The following CCDC9 variants were observed in gnomAD, a reference collection of about 807,000 sequenced individuals.
CCDC9 encodes coiled-coil domain-containing protein 9.
Under a neutral mutation model 65.6 loss-of-function variants are expected in CCDC9, and 52 were observed. That is an observed-to-expected ratio of 0.79 (90% CI 0.63 to 1.00). The LOEUF (loss-of-function observed/expected upper bound fraction) is 1.00. Among genes scored for constraint, CCDC9 ranks in the 50% least tolerant of loss-of-function variants. The pLI is 0.00. For missense variants in CCDC9, 834 were observed against 757.2 expected, an observed-to-expected ratio of 1.10 and a Z score of -1.19; for synonymous variants, 332 against 280.3, an observed-to-expected ratio of 1.18 and a Z score of -1.84.
intron 8 of CCDC9, among the ~76,000 whole-genome samples, chr19:47,269,059 T>G (rs778006596): frequency 3.3e-5 from 5 of 152,090 alleles, no homozygotes; most frequent in Non-Finnish European, 5.9e-5. Context: ...TGAGCTGTTA[T>G]GATGCCACTG....
intron 5 of CCDC9, among the ~76,000 whole-genome samples, chr19:47,261,620 G>C (rs914726971): frequency 1.3e-5 from 2 of 148,700 alleles, no homozygotes; most frequent in Non-Finnish European, 3.0e-5. Flanking sequence ...GCTGAGGCAG[G>C]AGGATCACTT....
At chr19:47,274,887 G>A (rs2059146685), downstream of CCDC9, 1 of 1,252,652 alleles carries the variant, frequency 8.0e-7, no homozygotes, top group Non-Finnish European at 9.9e-7. Context: ...GGGCCTGTGC[G>A]GTCTGCGGCG....
At chr19:47,273,401 C>T, downstream of CCDC9, 1 of 1,231,886 alleles carries the variant, frequency 8.1e-7, no homozygotes, top group Non-Finnish European at 1.0e-6. Flanking sequence ...CACCGACTTC[C>T]AGAGGGTGCG....
intron 1 of CCDC9, among the ~76,000 whole-genome samples, chr19:47,256,956 G>C (rs1463005793): frequency 6.6e-6 from 1 of 150,696 alleles, no homozygotes; most frequent in East Asian, 2.0e-4. Flanking sequence ...TGCCTTACTG[G>C]AAGTGGGTCC....
chr19:47,275,214 G>C (rs1161241139), downstream of CCDC9: 1 of 1,526,928 alleles, frequency 6.5e-7, no homozygotes, highest in East Asian at 2.6e-5. Flanking sequence ...CCTCCTGGGA[G>C]TCCCCGGCGG....
chr19:47,273,484 C>G (rs1325990745), downstream of CCDC9: 1 of 814,430 alleles, frequency 1.2e-6, no homozygotes, highest in Non-Finnish European at 1.6e-6. Context: ...ACCGCGGCCT[C>G]CGCGCTCTGC....
At chr19:47,257,071 C>T (rs1247569202) in intron 1 of CCDC9, among the ~76,000 whole-genome samples, 2 of 117,892 alleles carry the variant, frequency 1.7e-5, no homozygotes, top group African/African-American at 3.3e-5. Context: ...AGGGTGCTGG[C>T]GGGGAATGCT....
chr19:47,262,298 C>T lies in CCDC9; in HGVS notation c.462+1459C>T, dbSNP rs913625024. Among the ~76,000 whole-genome samples, 10 of 149,994 alleles carry T rather than the reference C, an allele frequency of 6.7e-5. No individual in the cohort carries two copies. In the Admixed American group the frequency reaches 6.7e-4, roughly 10 times the overall value. On this transcript the variant is annotated intron_variant, in intron 5 of 11. Coordinates refer to ENST00000221922, the MANE Select transcript of CCDC9 (RefSeq NM_015603.3). ...GTGGCATGATCTTGGCTCACTGCAA[C>T]CTCCGCCTCCTGGGTTCAAGCAATT...
intron 8 of CCDC9, 54 bp from the exon 9 acceptor site, chr19:47,270,353 C>T (rs1420042347): frequency 1.3e-5 from 21 of 1,570,846 alleles, no homozygotes; most frequent in African/African-American, 2.7e-5. Context: ...TCTTCTTGAT[C>T]CTCTTGTTAC....
At chr19:47,261,929 A>G (rs1284791752) in intron 5 of CCDC9, among the ~76,000 whole-genome samples, 1 of 148,694 alleles carries the variant, frequency 6.7e-6, no homozygotes, top group Non-Finnish European at 1.5e-5. Context: ...GCTGAGGCAG[A>G]AGAATTGCTT....
downstream of CCDC9, chr19:47,274,893 C>T (rs573923574): frequency 2.8e-4 from 349 of 1,239,274 alleles, 1 homozygote; most frequent in African/African-American, 5.0e-3. Flanking sequence ...GTGCGGTCTG[C>T]GGCGCGGAGC....
intron 3 of CCDC9, among the ~76,000 whole-genome samples, chr19:47,259,713 C>T (rs1230515647): frequency 1.3e-5 from 2 of 152,204 alleles, no homozygotes; most frequent in Admixed American, 1.3e-4. Flanking sequence ...TTGGGATACA[C>T]GTCAGTGACA....
intron 9 of CCDC9, 38 bp from the exon 10 acceptor site, chr19:47,270,515 C>T (rs1179051280): frequency 6.2e-7 from 1 of 1,614,042 alleles, no homozygotes; most frequent in Admixed American, 1.7e-5. Flanking sequence ...GTGTGTGCCA[C>T]ACCTTCCCTT....
Position 47,258,324 on chromosome 19 carries a change from C to A in CCDC9, c.-71-6C>A. 1 of 1,532,034 alleles carries A rather than the reference C, an allele frequency of 6.5e-7. No homozygotes were observed. The highest frequency in any genetic ancestry group is 9.0e-7 in the Non-Finnish European group (1 of 1,107,192). 94.9% of individuals were successfully genotyped at this position (1,532,034 alleles called of 1,614,324 possible). A position where few individuals can be genotyped will look rare whatever the true frequency, so the allele number is the denominator to read the frequency against. ...GCCTTTGTCCTTTTTTTCCCTCTGT[C>A]CCCAGGAACCCTCAGTGCTGCGTCT... On this transcript the variant is annotated splice_polypyrimidine_tract_variant and splice_region_variant and intron_variant, in intron 1 of 11. Coordinates refer to ENST00000221922, the MANE Select transcript of CCDC9 (RefSeq NM_015603.3).
intron 5 of CCDC9, 116 bp from the exon 6 acceptor site, chr19:47,264,487 A>T: frequency 1.1e-6 from 1 of 948,874 alleles, no homozygotes; most frequent in East Asian, 2.6e-5. Flanking sequence ...AAATGGTCAG[A>T]TGCCAGCAGG....
chr19:47,269,362 T>G lies in CCDC9; in HGVS notation c.903-1045T>G, dbSNP rs373835842. Among the ~76,000 whole-genome samples the G allele has an allele frequency of 3.9e-3, 588 of 152,164 alleles. 2 individuals are homozygous for G. The highest frequency in any genetic ancestry group is 0.013 in the African/African-American group (544 of 41,514). On this transcript the variant is annotated intron_variant, in intron 8 of 11. Coordinates refer to ENST00000221922, the MANE Select transcript of CCDC9 (RefSeq NM_015603.3). ...TGTGTAATAATATTATCTTTTTTTTTTTGTTTTTTTGAGACTGAGTCTTGC... is the reference window on the plus strand; with the variant it reads ...TGTGTAATAATATTATCTTTTTTTTGTTGTTTTTTTGAGACTGAGTCTTGC...
At chr19:47,271,989 A>G (rs971445985), downstream of CCDC9, 2 of 1,249,160 alleles carry the variant, frequency 1.6e-6, no homozygotes, top group Admixed American at 7.8e-5. Context: ...AACCCCCTTC[A>G]ACTCCCCCTG....
rs1472090737 is a variant in CCDC9 at position 47,271,588 on chromosome 19, G to C, written c.1506G>C (p.Trp502Cys). ...GCGGCCACCAGCCTGTGTCCGATTGGGGTGAAGAGGTGGAGCTGAATTCTC... is the reference window on the plus strand; with the variant it reads ...GCGGCCACCAGCCTGTGTCCGATTGCGGTGAAGAGGTGGAGCTGAATTCTC... ...PPSGHQPVSD[W>C]GEEVELNSPR... Residue 502 changes from tryptophan to cysteine, a missense_variant, in exon 12 of 12, where the codon TGG (tryptophan) becomes TGC (cysteine). Transcript: ENST00000221922. 1.2e-6 allele frequency: 2 copies of C among 1,613,056 alleles called. No homozygotes were observed. Among genetic ancestry groups the C allele is most frequent in the Admixed American group, 1.7e-5 (1 of 60,022 alleles).
chr19:47,275,120 A>G (rs781520669), downstream of CCDC9: 17 of 1,491,956 alleles, frequency 1.1e-5, no homozygotes, highest in South Asian at 1.9e-4. Flanking sequence ...CCGCCGGCCC[A>G]CAGCCCAGCG....
Sources: allele counts gnomAD v4.1 joint callset (sites outside exome capture counted in the v4.1 genomes callset), GRCh38; gene constraint gnomAD v4.1.1; transcripts MANE v1.5; gene names NCBI Gene and HGNC (gene_info 2026-07-23, HGNC 2026-07-21).